CACNA2D3: variants seen among roughly 807,000 people sequenced by gnomAD.
CACNA2D3 encodes the protein voltage-dependent calcium channel subunit alpha-2/delta-3.
In CACNA2D3, 60 loss-of-function variants were observed where a neutral mutation model predicts 160.6. The observed-to-expected ratio is 0.37, with a 90% CI of 0.30 to 0.46. CACNA2D3 has a LOEUF of 0.46. Ranked by LOEUF, CACNA2D3 falls within the 20% of genes least tolerant of loss-of-function variation. CACNA2D3 has a pLI of 1.00. For missense variants in CACNA2D3, 1,205 were observed against 1,365.0 expected, an observed-to-expected ratio of 0.88 and a Z score of 1.85; for synonymous variants, 558 against 492.9, an observed-to-expected ratio of 1.13 and a Z score of -1.75.
intron 27 of CACNA2D3, among the ~76,000 whole-genome samples, chr3:54,923,346 T>G (rs1364775259): frequency 1.3e-5 from 2 of 152,062 alleles, no homozygotes; most frequent in Non-Finnish European, 1.5e-5. Flanking sequence ...GTTTTCCCCC[T>G]CATCAAGCCC....
chr3:54,978,644 C>CCTTAT (rs1702443583), intron 29 of CACNA2D3, among the ~76,000 whole-genome samples: 2 of 152,266 alleles, frequency 1.3e-5, no homozygotes, highest in South Asian at 2.1e-4. Context: ...CTAAATAAGG[C>CCTTAT]GTTCCATGAA....
chr3:54,958,100 G>A (rs1175578543), intron 27 of CACNA2D3, among the ~76,000 whole-genome samples: 2 of 152,234 alleles, frequency 1.3e-5, no homozygotes, highest in Non-Finnish European at 2.9e-5. Flanking sequence ...GAATACAGCA[G>A]TAAACAAAGA....
intron 3 of CACNA2D3, among the ~76,000 whole-genome samples, chr3:54,350,968 G>GTTTTGTTTTTTTTTTT (rs1698543203): frequency 1.8e-5 from 1 of 56,106 alleles, no homozygotes; most frequent in African/African-American, 6.4e-5. Flanking sequence ...TCTTGAGTCT[G>GTTTTGTTTTTTTTTTT]TTTTTTTTTT....
intron 11 of CACNA2D3, among the ~76,000 whole-genome samples, chr3:54,736,035 GTATATATATACACATACATATGTATGTA>G (rs1701501098): frequency 2.0e-5 from 1 of 50,298 alleles, no homozygotes; most frequent in African/African-American, 8.4e-5. Context: ...ATATATATAT[GTATATATATACACATACATATGTATGTA>G]TATATATATA....
At chr3:54,331,702 C>T (rs974722384) in intron 3 of CACNA2D3, among the ~76,000 whole-genome samples, 1 of 152,156 alleles carries the variant, frequency 6.6e-6, no homozygotes, top group Non-Finnish European at 1.5e-5. Flanking sequence ...TATAAGGGGA[C>T]ATGGAATCTT....
chr3:54,718,023 C>T (rs894187788), intron 11 of CACNA2D3, among the ~76,000 whole-genome samples: 1 of 152,074 alleles, frequency 6.6e-6, no homozygotes, highest in African/African-American at 2.4e-5. Context: ...TGTATATTGG[C>T]TATGCCTATG....
intron 10 of CACNA2D3, among the ~76,000 whole-genome samples, chr3:54,636,570 T>A (rs12330332): frequency 2.0e-5 from 3 of 151,372 alleles, no homozygotes; most frequent in Non-Finnish European, 2.9e-5. Flanking sequence ...AGCGGCAGCC[T>A]CTGCACGCAG....
chr3:54,463,282 T>C (rs1575469539), intron 4 of CACNA2D3, among the ~76,000 whole-genome samples: 1 of 152,170 alleles, frequency 6.6e-6, no homozygotes, highest in East Asian at 1.9e-4. Flanking sequence ...AGGAGTATCT[T>C]TGTGGCATTC....
At chr3:54,977,410 T>A (rs1335452159) in intron 29 of CACNA2D3, among the ~76,000 whole-genome samples, 2 of 152,220 alleles carry the variant, frequency 1.3e-5, no homozygotes, top group Admixed American at 1.3e-4. Context: ...TTTGTCAAGA[T>A]TTTCAATTGA....
intron 37 of CACNA2D3, 58 bp from the exon 38 acceptor site, chr3:55,074,054 GAA>G: frequency 1.4e-6 from 2 of 1,403,244 alleles, no homozygotes; most frequent in South Asian, 2.3e-5. Context: ...GAGGTCTGGG[GAA>G]AGTTGAAGGT....
intron 14 of CACNA2D3, among the ~76,000 whole-genome samples, chr3:54,826,468 A>G (rs1168607280): frequency 2.0e-5 from 3 of 152,236 alleles, no homozygotes; most frequent in Admixed American, 6.5e-5. Flanking sequence ...GAAAATGTCA[A>G]GCAAAGACTA....
At chr3:54,757,296 T>G (rs932656735) in intron 12 of CACNA2D3, among the ~76,000 whole-genome samples, 17 of 152,314 alleles carry the variant, frequency 1.1e-4, no homozygotes, top group African/African-American at 4.1e-4. Context: ...TGTGTTGTCG[T>G]CTGCTTAGCT....
intron 5 of CACNA2D3, among the ~76,000 whole-genome samples, chr3:54,547,156 C>T (rs940908893): frequency 6.6e-6 from 1 of 152,106 alleles, no homozygotes; most frequent in African/African-American, 2.4e-5. Context: ...TGAGGTCCAG[C>T]GCAAAGATGG....
chr3:54,134,169 T>C (rs1309653676), intron 2 of CACNA2D3, among the ~76,000 whole-genome samples: 1 of 152,132 alleles, frequency 6.6e-6, no homozygotes, highest in East Asian at 1.9e-4. Flanking sequence ...CTCACTAGGA[T>C]CGATTTTATT....
chr3:54,441,024 A>G (rs1700136586), intron 4 of CACNA2D3, among the ~76,000 whole-genome samples: 1 of 152,048 alleles, frequency 6.6e-6, no homozygotes, highest in African/African-American at 2.4e-5. Context: ...GCTGGGTCAA[A>G]TGGTATTTCT....
chr3:54,708,024 T>A (rs1700888484), intron 11 of CACNA2D3, among the ~76,000 whole-genome samples: 1 of 152,152 alleles, frequency 6.6e-6, no homozygotes, highest in African/African-American at 2.4e-5. Context: ...TGTTTAAAGC[T>A]TTCAAGTGCT....
chr3:54,606,789 C>G (rs1168352312), intron 9 of CACNA2D3, among the ~76,000 whole-genome samples: 1 of 152,134 alleles, frequency 6.6e-6, no homozygotes, highest in African/African-American at 2.4e-5. Context: ...CCTGAAGGCT[C>G]TACTTCTTTT....
rs183043278 is a variant in CACNA2D3, at chr3:54,989,447, C to T, written c.2690+1694C>T. Reference sequence around the variant, plus strand: ...CAGTTATTACAGCAACTGCTGTCATCCAGGAGCAAGTTGACAAACCTCCTG... The same window carrying T: ...CAGTTATTACAGCAACTGCTGTCATTCAGGAGCAAGTTGACAAACCTCCTG... On this transcript the variant is annotated intron_variant, in intron 31 of 37. Transcript: ENST00000474759. Among the ~76,000 whole-genome samples, 541 of 152,264 alleles carry T rather than the reference C, an allele frequency of 3.6e-3. 1 individual carries two copies. The highest frequency in any genetic ancestry group is 5.0e-3 in the Non-Finnish European group (343 of 68,014).
chr3:54,755,909 T>TA (rs531774068), intron 12 of CACNA2D3, among the ~76,000 whole-genome samples: 571 of 152,350 alleles, frequency 3.7e-3, no homozygotes, highest in African/African-American at 5.1e-3. Context: ...TTATTGTTTT[T>TA]ACCACTGTCT....
Sources: gnomAD v4.1 joint callset for allele counts (sites outside exome capture counted in the v4.1 genomes callset) on GRCh38, gnomAD v4.1.1 for gene constraint, MANE v1.5 for transcripts, NCBI Gene and HGNC (gene_info 2026-07-23, HGNC 2026-07-21) for gene names.